Variants in AJAP1 observed in about 807,000 individuals in gnomAD.
AJAP1 encodes adherens junction-associated protein 1.
AJAP1 carries 5 observed loss-of-function variants against 35.0 expected under a neutral mutation model. The observed-to-expected ratio is 0.14, with a 90% CI of 0.07 to 0.30. The LOEUF (loss-of-function observed/expected upper bound fraction) is 0.30. AJAP1 is among the 10% of genes least tolerant of loss of function. The pLI, the probability that AJAP1 is intolerant of heterozygous loss-of-function variation, is 1.00. For synonymous variants in AJAP1, 284 were observed against 249.3 expected, an observed-to-expected ratio of 1.14 and a Z score of -1.31; for missense variants, 586 against 571.0, an observed-to-expected ratio of 1.03 and a Z score of -0.27.
intron 5 of AJAP1, among the ~76,000 whole-genome samples, chr1:4,781,738 C>T (rs967923896): frequency 7.2e-5 from 11 of 152,252 alleles, no homozygotes; most frequent in African/African-American, 2.7e-4. Context: ...AGAAGGTCCC[C>T]AGATGGGACC....
chr1:4,674,434 CAG>C (rs1262092962), intron 1 of AJAP1, among the ~76,000 whole-genome samples: 5 of 152,246 alleles, frequency 3.3e-5, no homozygotes, highest in African/African-American at 9.6e-5. Context: ...TTCATAAGGA[CAG>C]AGTTGAGTGG....
At chr1:4,742,015 C>A (rs547356504) in intron 2 of AJAP1, among the ~76,000 whole-genome samples, 2 of 152,106 alleles carry the variant, frequency 1.3e-5, no homozygotes, top group African/African-American at 4.8e-5. Context: ...AGGTGATGCA[C>A]GTGAAAGGAA....
At chr1:4,701,248 T>A (rs1639981335) in intron 1 of AJAP1, among the ~76,000 whole-genome samples, 1 of 152,158 alleles carries the variant, frequency 6.6e-6, no homozygotes, top group African/African-American at 2.4e-5. Flanking sequence ...AGAACCAGGC[T>A]TAAAATATGC....
In AJAP1 at chr1:4,782,617, A is replaced by G. The variant is rs1557653439; in HGVS notation, c.*132A>G. 1.0e-5 allele frequency: 4 copies of G among 397,620 alleles called. No individual in the cohort carries two copies. In the East Asian group the frequency reaches 1.1e-4, roughly 11 times the overall value. The allele number at this position is 397,620 out of a possible 1,614,324, so 24.6% of individuals were successfully genotyped here. On this transcript the variant is annotated 3_prime_UTR_variant, in exon 6 of 6. Coordinates refer to ENST00000378191, the MANE Select transcript of AJAP1 (RefSeq NM_018836.4). This position sits in a 1 kb window ranked among gnomAD's most constrained non-coding sequence, Gnocchi z 5.3. The stretch of plus-strand genomic sequence containing the variant: ...AAAAGACAAAACCTAAAACTGAGCT[A>G]TCTAAGGGGGAGGGTCCCCGCACCT...
intron 2 of AJAP1, among the ~76,000 whole-genome samples, chr1:4,760,405 G>GCGTGTGTTCATT (rs1553161022): frequency 1.3e-5 from 2 of 152,080 alleles, no homozygotes; most frequent in African/African-American, 2.4e-5. Flanking sequence ...GTGTGTTCAT[G>GCGTGTGTTCATT]CATGTGTTCA....
At chr1:4,714,108 G>GT (rs1425636883) in intron 2 of AJAP1, among the ~76,000 whole-genome samples, 15 of 152,152 alleles carry the variant, frequency 9.9e-5, no homozygotes, top group African/African-American at 2.6e-4. Flanking sequence ...AGAACCTGCG[G>GT]TTTTTTTTCT....
At chr1:4,760,554 A>C (rs1178196970) in intron 2 of AJAP1, among the ~76,000 whole-genome samples, 3 of 152,080 alleles carry the variant, frequency 2.0e-5, no homozygotes, top group Non-Finnish European at 4.4e-5. Flanking sequence ...CGCCCCTGGG[A>C]TGGCCCAGGG....
At position 4,712,054 on chromosome 1, in the gene AJAP1, C is replaced by T. The variant is rs752973756; in HGVS notation, c.184C>T (p.Arg62Trp). 6 of 1,586,652 alleles carry T rather than the reference C, an allele frequency of 3.8e-6. No homozygotes were observed. The highest frequency in any genetic ancestry group is 2.8e-5 in the African/African-American group (2 of 72,250). Residue 62 changes from arginine (R) to tryptophan (W), a missense_variant, in exon 2 of 6, where the codon CGG becomes TGG. By Grantham distance (101) the Arg-to-Trp change is moderately radical. Coordinates refer to ENST00000378191, the MANE Select transcript of AJAP1 (RefSeq NM_018836.4). ...LLPRSPPRPPRLWSFRSGQPA... is the reference protein window; with the variant it reads ...LLPRSPPRPPWLWSFRSGQPA... ...GCCGCGGTCGCCGCCCCGGCCGCCC[C>T]GGCTGTGGAGTTTTAGGAGTGGACA...
At chr1:4,728,969 T>G (rs242049) in intron 2 of AJAP1, among the ~76,000 whole-genome samples, 86,831 of 151,978 alleles carry the variant, frequency 0.57, 26,086 homozygotes, top group East Asian at 0.99. Flanking sequence ...GTTTCCATTA[T>G]CCCCTGAGGC....
At position 4,784,721 on chromosome 1, in the gene AJAP1, T is replaced by G. The variant is rs149473232; in HGVS notation, c.*2236T>G. On this transcript the variant is annotated 3_prime_UTR_variant, in exon 6 of 6. Transcript: ENST00000378191. The stretch of plus-strand genomic sequence containing the variant: ...TTAGTTTTTGTTCTGTCATTTATTT[T>G]CCCCCCAAGCTTTGGCACATCCTGA... 437 of 152,310 alleles carry G rather than the reference T, an allele frequency of 2.9e-3. 4 individuals are homozygous for G. Among genetic ancestry groups the G allele is most frequent in the African/African-American group, 0.01 (418 of 41,552 alleles). The allele number at this position is 152,310 out of a possible 1,614,324, so 9.4% of individuals were successfully genotyped here. A position where few individuals can be genotyped will look rare whatever the true frequency, so the allele number is the denominator to read the frequency against.
rs1289285080 is a variant in AJAP1 at position 4,663,397 on chromosome 1, G to A, written c.29+7943G>A. Among the ~76,000 whole-genome samples, 4 of 152,204 alleles carry A rather than the reference G, an allele frequency of 2.6e-5. No homozygotes were observed. The South Asian group carries it at 6.2e-4, about 24-fold the overall frequency. ...GTTAGATGCTGCCACTCACAGAAGG[G>A]GCAGCCCTCAAGCAGGCCATGGATT... On this transcript the variant is annotated intron_variant, in intron 1 of 5. Transcript: ENST00000378191.
At chr1:4,773,506 C>T (rs891689168) in intron 4 of AJAP1, among the ~76,000 whole-genome samples, 6 of 152,368 alleles carry the variant, frequency 3.9e-5, no homozygotes, top group East Asian at 3.9e-4. Context: ...TGCATGTCCA[C>T]GTTGCATTCT....
chr1:4,711,782 CTT>C, intron 1 of AJAP1, 116 bp from the exon 2 acceptor site: 2 of 786,486 alleles, frequency 2.5e-6, no homozygotes, highest in Non-Finnish European at 1.9e-6. Context: ...AGGAGGAGCT[CTT>C]TCCAGAAGAA....
chr1:4,678,548 C>T (rs937701628), intron 1 of AJAP1, among the ~76,000 whole-genome samples: 2 of 152,340 alleles, frequency 1.3e-5, no homozygotes, highest in Non-Finnish European at 2.9e-5. Flanking sequence ...TGCTGGCTGT[C>T]AGTGCCTTGC....
chr1:4,696,802 T>C (rs1161501666), intron 1 of AJAP1, among the ~76,000 whole-genome samples: 1 of 152,160 alleles, frequency 6.6e-6, no homozygotes, highest in Non-Finnish European at 1.5e-5. Flanking sequence ...TGTGTGTCTC[T>C]GCATGTGCAC....
rs1451678701 is a variant in AJAP1 at position 4,723,239 on chromosome 1, G to GGACGGGACCTTCACTCTTGT, written c.829+10544_829+10563dup. On this transcript the variant is annotated intron_variant, in intron 2 of 5. Transcript: ENST00000378191. The surrounding 1 kb of genome is among the most constrained non-coding windows in gnomAD (Gnocchi z 4.3). ...AGCAGCAGATTGGAAGGAGCCCTTG[G>GGACGGGACCTTCACTCTTGT]GACGGGACCTTCACTCTTGTGACAT... Among the ~76,000 whole-genome samples, 6 of 152,204 alleles carry GGACGGGACCTTCACTCTTGT rather than the reference G, an allele frequency of 3.9e-5. No homozygotes were observed. Among genetic ancestry groups the GGACGGGACCTTCACTCTTGT allele is most frequent in the Non-Finnish European group, 8.8e-5 (6 of 68,038 alleles).
chr1:4,769,139 G>T (rs1013374541), intron 2 of AJAP1, among the ~76,000 whole-genome samples: 31 of 152,126 alleles, frequency 2.0e-4, no homozygotes, highest in African/African-American at 6.0e-4. Context: ...CCCCATTCAG[G>T]TATTGGGGCC....
At chr1:4,672,412 C>T (rs1039114874) in intron 1 of AJAP1, among the ~76,000 whole-genome samples, 1 of 152,198 alleles carries the variant, frequency 6.6e-6, no homozygotes, top group Non-Finnish European at 1.5e-5. Context: ...ACACTGTGCC[C>T]ACATGACATG....
At chr1:4,681,207 A>C (rs1280688761) in intron 1 of AJAP1, among the ~76,000 whole-genome samples, 3 of 152,246 alleles carry the variant, frequency 2.0e-5, no homozygotes, top group African/African-American at 7.2e-5. Flanking sequence ...GTTAACCCGC[A>C]GCCCGCTAAA....
Sources: allele counts gnomAD v4.1 joint callset (sites outside exome capture counted in the v4.1 genomes callset), GRCh38; gene constraint gnomAD v4.1.1; non-coding constraint Gnocchi (gnomAD v3.1); transcripts MANE v1.5; gene names NCBI Gene and HGNC (gene_info 2026-07-23, HGNC 2026-07-21).